Variants in MAU2 observed in about 807,000 individuals in gnomAD.
MAU2 encodes MAU2 chromatid cohesion factor homolog.
MAU2 carries 9 observed loss-of-function variants against 89.1 expected under a neutral mutation model. The observed-to-expected ratio is 0.10, with a 90% confidence interval of 0.06 to 0.18. MAU2 has a LOEUF of 0.18. MAU2 is among the 10% of genes least tolerant of loss of function. The probability of loss-of-function intolerance (pLI) is 1.00; values close to 1 mark genes in which losing one functional copy is unlikely to be tolerated. For synonymous variants in MAU2, 357 were observed against 343.4 expected (o/e 1.04, Z -0.44); for missense variants, 425 against 803.5 (o/e 0.53, Z 5.69).
intron 4 of MAU2, among the ~76,000 whole-genome samples, chr19:19,337,856 C>T (rs1221137795): frequency 6.6e-6 from 1 of 152,218 alleles, no homozygotes; most frequent in Non-Finnish European, 1.5e-5. Flanking sequence ...TCTCTGAGCT[C>T]CACAGTGCTC....
At chr19:19,322,047 G>C (rs1189648471) in intron 1 of MAU2, 1 of 151,520 alleles carries the variant, frequency 6.6e-6, no homozygotes, top group East Asian at 1.9e-4. Flanking sequence ...ACCCAGGCTG[G>C]AGTGCAGTGG....
At chr19:19,346,905 T>G in intron 12 of MAU2, 1 of 198,126 alleles carries the variant, frequency 5.0e-6, no homozygotes, top group Non-Finnish European at 1.0e-5. Context: ...AGGACCAGCA[T>G]ATGCCTTGAT....
At chr19:19,350,598 A>G (rs369283467) in intron 16 of MAU2, among the ~76,000 whole-genome samples, 5 of 140,478 alleles carry the variant, frequency 3.6e-5, no homozygotes, top group Middle Eastern at 3.5e-3. Flanking sequence ...TGAGAGCAAG[A>G]CTCCATCTCA....
intron 1 of MAU2, among the ~76,000 whole-genome samples, chr19:19,334,012 C>T (rs1170814099): frequency 6.6e-6 from 1 of 152,190 alleles, no homozygotes; most frequent in Non-Finnish European, 1.5e-5. Context: ...GTCACAGTCC[C>T]CTCTCTCCTG....
chr19:19,350,766 G>C (rs945363202), intron 16 of MAU2, among the ~76,000 whole-genome samples: 5 of 152,110 alleles, frequency 3.3e-5, no homozygotes, highest in Non-Finnish European at 1.5e-5. Flanking sequence ...CGGGCATGGT[G>C]GCAGGCGCCT....
chr19:19,348,062 G>A (rs1281852321), intron 13 of MAU2: 1 of 153,354 alleles, frequency 6.5e-6, no homozygotes, highest in Non-Finnish European at 1.4e-5. Flanking sequence ...TCACCTCTGG[G>A]GGTCTACCTC....
rs1176216052 is a variant in MAU2, at chr19:19,358,116, A to G, written c.*2334A>G. ...AAAAAACAATGGAAGGCAGACAGCA[A>G]GTCCCTGAGGACACATCACACAGTG... On this transcript the variant is annotated 3_prime_UTR_variant, in exon 19 of 19. Transcript: ENST00000262815. 2 of 152,204 alleles carry G rather than the reference A, an allele frequency of 1.3e-5. No homozygotes were observed. The highest frequency in any genetic ancestry group is 4.8e-5 in the African/African-American group (2 of 41,432). 9.4% of individuals were successfully genotyped at this position (152,204 alleles called of 1,614,324 possible). A position where few individuals can be genotyped will look rare whatever the true frequency, so the allele number is the denominator to read the frequency against.
intron 3 of MAU2, among the ~76,000 whole-genome samples, chr19:19,336,969 G>T: frequency 6.6e-6 from 1 of 152,164 alleles, no homozygotes; most frequent in East Asian, 1.9e-4. Context: ...TAAGAGTGAT[G>T]CAGAAACTTC....
chr19:19,335,975 A>C, intron 2 of MAU2, 147 bp from the exon 3 acceptor site: 1 of 715,868 alleles, frequency 1.4e-6, no homozygotes, highest in South Asian at 1.7e-5. Flanking sequence ...CTCAAGGTTC[A>C]CTGGGGGAAC....
At chr19:19,347,641 G>A (rs887571315) in intron 13 of MAU2, 4 of 345,006 alleles carry the variant, frequency 1.2e-5, no homozygotes, top group Non-Finnish European at 2.1e-5. Context: ...CACAGACAAG[G>A]TCTTATAGCC....
chr19:19,335,970 G>A, intron 2 of MAU2, 152 bp from the exon 3 acceptor site: 1 of 709,698 alleles, frequency 1.4e-6, no homozygotes, highest in Non-Finnish European at 2.5e-6. Flanking sequence ...GCAAGCTCAA[G>A]GTTCACTGGG....
chr19:19,355,612 G>A (rs117901585), intron 18 of MAU2, 96 bp from the exon 19 acceptor site: 23,069 of 1,269,364 alleles, frequency 0.018, 781 homozygotes, highest in South Asian at 0.11. Context: ...ACAGAGTCCC[G>A]GCTGTGTGAG....
At chr19:19,348,838 C>T in intron 13 of MAU2, 51 bp from the exon 14 acceptor site, 2 of 1,598,730 alleles carry the variant, frequency 1.3e-6, no homozygotes, top group Non-Finnish European at 1.7e-6. Flanking sequence ...TCTTGGGGAC[C>T]TTTCTCCTGT....
intron 1 of MAU2, among the ~76,000 whole-genome samples, chr19:19,325,356 A>G (rs1279026418): frequency 3.3e-5 from 5 of 151,508 alleles, no homozygotes; most frequent in African/African-American, 1.2e-4. Context: ...TTGTATTTTT[A>G]GTAAAGAAGG....
chr19:19,337,158 A>C lies in MAU2; in HGVS notation c.361-12A>C. The C allele has an allele frequency of 6.3e-7, 1 of 1,596,104 alleles. No homozygotes were observed. The highest frequency in any genetic ancestry group is 8.6e-7 in the Non-Finnish European group (1 of 1,168,578). Reference sequence around the variant, plus strand: ...TTTTCTTACATTCCCAAACGTGACTATTTCCTTTCAGAATTCCGTTGATGC... The same window carrying C: ...TTTTCTTACATTCCCAAACGTGACTCTTTCCTTTCAGAATTCCGTTGATGC... On this transcript the variant is annotated splice_polypyrimidine_tract_variant and intron_variant, in intron 3 of 18. Transcript: ENST00000262815.
intron 16 of MAU2, among the ~76,000 whole-genome samples, chr19:19,350,875 G>A (rs1568667340): frequency 1.3e-5 from 2 of 149,658 alleles, no homozygotes; most frequent in African/African-American, 2.5e-5. Flanking sequence ...ACTCCAGCCT[G>A]GGCAACACAG....
chr19:19,327,301 G>GTATTTATT lies in MAU2; in HGVS notation c.276+6200_276+6207dup, dbSNP rs147425412. Among the ~76,000 whole-genome samples the GTATTTATT allele has an allele frequency of 4.6e-3, 658 of 142,366 alleles. 4 individuals are homozygous for GTATTTATT. Among genetic ancestry groups the GTATTTATT allele is most frequent in the Admixed American group, 0.026 (370 of 14,222 alleles). 93.4% of individuals were successfully genotyped at this position (142,366 alleles called of 152,430 possible). On this transcript the variant is annotated intron_variant, in intron 1 of 18. Coordinates refer to ENST00000262815, the MANE Select transcript of MAU2 (RefSeq NM_015329.4). ...CATGCCAGGCTAATTTTTTCTACTT[G>GTATTTATT]TATTTATTTATTTATTTATTTATTT...
intron 4 of MAU2, among the ~76,000 whole-genome samples, chr19:19,337,809 C>T (rs1227576563): frequency 6.6e-6 from 1 of 152,256 alleles, no homozygotes; most frequent in Non-Finnish European, 1.5e-5. Flanking sequence ...CCTCCTCATG[C>T]TCCCTTTGGC....
chr19:19,334,971 C>T (rs536553679), intron 1 of MAU2, among the ~76,000 whole-genome samples: 15 of 152,284 alleles, frequency 9.9e-5, no homozygotes, highest in Admixed American at 7.2e-4. Flanking sequence ...ACATGCGAGT[C>T]GCTGGGGACA....
Sources: gnomAD v4.1 joint callset for allele counts (sites outside exome capture counted in the v4.1 genomes callset) on GRCh38, gnomAD v4.1.1 for gene constraint, MANE v1.5 for transcripts, NCBI Gene and HGNC (gene_info 2026-07-23, HGNC 2026-07-21) for gene names.